The following HMGCLL1 variants were observed in gnomAD, a reference collection of about 807,000 sequenced individuals.
The protein encoded by HMGCLL1 is 3-hydroxy-3-methylglutaryl-CoA lyase like 1, also known as 3-hydroxymethyl-3-methylglutaryl-CoA lyase, cytoplasmic.
HMGCLL1 carries 36 observed loss-of-function variants against 39.1 expected under a neutral mutation model. The observed-to-expected ratio is 0.92, with a 90% CI of 0.71 to 1.22. The LOEUF is 1.22. HMGCLL1 is among the 50% of genes most tolerant of loss of function. HMGCLL1 has a pLI of 0.00. For missense variants in HMGCLL1, 451 were observed against 416.5 expected (o/e 1.08, Z -0.72); for synonymous variants, 149 against 144.0 (o/e 1.03, Z -0.25).
At chr6:55,598,633 C>T in the HMGCLL1 span, among the ~76,000 whole-genome samples, 4 of 152,120 alleles carry the variant, frequency 2.6e-5, no homozygotes, top group Non-Finnish European at 5.9e-5. Context: ...TCACAAGTAC[C>T]GTTCTCTGTT....
At chr6:55,520,431 G>A (rs565214991) in intron 3 of HMGCLL1, among the ~76,000 whole-genome samples, 1 of 151,932 alleles carries the variant, frequency 6.6e-6, no homozygotes, top group Non-Finnish European at 1.5e-5. Flanking sequence ...TTTTAAAAGT[G>A]CTCACAATAT....
At chr6:55,623,996 A>T in the HMGCLL1 span, among the ~76,000 whole-genome samples, 3 of 152,090 alleles carry the variant, frequency 2.0e-5, no homozygotes. Flanking sequence ...TACCTGGAGG[A>T]CCACAATGAC....
chr6:55,439,639 A>G, intron 7 of HMGCLL1, 80 bp from the exon 8 acceptor site: 3 of 1,493,148 alleles, frequency 2.0e-6, no homozygotes, highest in Non-Finnish European at 1.8e-6. Context: ...CCTATGGTAA[A>G]CTGCAAATAA....
the HMGCLL1 span, among the ~76,000 whole-genome samples, chr6:55,602,882 A>AT: frequency 5.9e-5 from 9 of 152,056 alleles, no homozygotes; most frequent in Admixed American, 2.6e-4. Flanking sequence ...AAGGCATGTA[A>AT]TTTTTTCTAA....
At chr6:55,604,010 G>A in the HMGCLL1 span, among the ~76,000 whole-genome samples, 3 of 152,148 alleles carry the variant, frequency 2.0e-5, no homozygotes, top group African/African-American at 7.2e-5. Flanking sequence ...CCATAGAGAA[G>A]TAGTTTGTTG....
upstream of HMGCLL1, among the ~76,000 whole-genome samples, chr6:55,581,879 T>G (rs1182775813): frequency 6.6e-6 from 1 of 151,766 alleles, no homozygotes; most frequent in Non-Finnish European, 1.5e-5. Context: ...TAAAGTAAAT[T>G]TTCTGTTTTC....
At chr6:55,499,369 G>T (rs988916465) in intron 5 of HMGCLL1, 70 bp from the exon 6 acceptor site, 1 of 1,179,780 alleles carries the variant, frequency 8.5e-7, no homozygotes, top group Admixed American at 2.4e-5. Flanking sequence ...TAAAAATTAA[G>T]AATTAGCTGA....
chr6:55,586,593 G>A, the HMGCLL1 span, among the ~76,000 whole-genome samples: 686 of 143,716 alleles, frequency 4.8e-3, 5 homozygotes, highest in Middle Eastern at 7.1e-3. Flanking sequence ...CCCTTCCTGT[G>A]TCCATGTGTT....
chr6:55,678,140 G>A, the HMGCLL1 span, among the ~76,000 whole-genome samples: 2 of 152,146 alleles, frequency 1.3e-5, no homozygotes, highest in Admixed American at 6.5e-5. Context: ...TCAGGGTGTT[G>A]GCTCTTATGG....
intron 1 of HMGCLL1, among the ~76,000 whole-genome samples, chr6:55,553,182 C>CAT (rs1561958330): frequency 8.0e-5 from 1 of 12,578 alleles, no homozygotes; most frequent in East Asian, 5.3e-3. Flanking sequence ...TATACATACA[C>CAT]ACACACACAC....
chr6:55,516,557 C>G lies in HMGCLL1; in HGVS notation c.344G>C (p.Gly115Ala). ...AGGAGTAAGGACAGGATAGCGAACT[C>G]CTGGATATTGATGAATGCCTTTCAT... ...EVMKGIHQYP[G>A]VRYPVLTPNL... Residue 115 changes from glycine to alanine, a missense_variant, in exon 4 of 9, where the codon GGA (glycine) becomes GCA (alanine). By Grantham distance (60) the Gly-to-Ala change is moderately conservative. Coordinates refer to ENST00000274901, the MANE Select transcript of HMGCLL1 (RefSeq NM_001042406.2). 4 of 1,603,472 alleles carry G rather than the reference C, an allele frequency of 2.5e-6. No homozygotes were observed. Among genetic ancestry groups the G allele is most frequent in the Non-Finnish European group, 3.4e-6 (4 of 1,172,938 alleles).
the HMGCLL1 span, among the ~76,000 whole-genome samples, chr6:55,610,332 G>A: frequency 6.6e-6 from 1 of 151,902 alleles, no homozygotes; most frequent in Admixed American, 6.6e-5. Flanking sequence ...CTTTAGAGAG[G>A]AACATAAATG....
chr6:55,678,655 C>T, the HMGCLL1 span, among the ~76,000 whole-genome samples: 1 of 152,094 alleles, frequency 6.6e-6, no homozygotes, highest in African/African-American at 2.4e-5. Flanking sequence ...AACAAAAAAA[C>T]TAGTTTTACA....
At chr6:55,460,517 A>C (rs1328640087) in intron 7 of HMGCLL1, among the ~76,000 whole-genome samples, 1 of 151,926 alleles carries the variant, frequency 6.6e-6, no homozygotes, top group African/African-American at 2.4e-5. Flanking sequence ...TTTATTATGC[A>C]AGAAATCTTC....
At chr6:55,640,959 C>G in the HMGCLL1 span, among the ~76,000 whole-genome samples, 2 of 151,624 alleles carry the variant, frequency 1.3e-5, no homozygotes, top group African/African-American at 4.8e-5. Flanking sequence ...AACTTAATAA[C>G]TAATAAATTC....
chr6:55,656,986 T>G, the HMGCLL1 span, among the ~76,000 whole-genome samples: 1 of 151,934 alleles, frequency 6.6e-6, no homozygotes, highest in Non-Finnish European at 1.5e-5. Context: ...CCACAGAATT[T>G]GCTGATGAAT....
At chr6:55,626,730 C>T in the HMGCLL1 span, among the ~76,000 whole-genome samples, 1 of 151,962 alleles carries the variant, frequency 6.6e-6, no homozygotes, top group African/African-American at 2.4e-5. Context: ...CATGAGGAGA[C>T]ACAACAATGA....
chr6:55,455,545 G>A (rs1764286345), intron 7 of HMGCLL1, among the ~76,000 whole-genome samples: 1 of 152,182 alleles, frequency 6.6e-6, no homozygotes, highest in African/African-American at 2.4e-5. Context: ...ATCCATGGTT[G>A]AGGCAATTGT....
chr6:55,584,690 C>T, the HMGCLL1 span, among the ~76,000 whole-genome samples: 1 of 151,782 alleles, frequency 6.6e-6, no homozygotes, highest in Non-Finnish European at 1.5e-5. Flanking sequence ...TTCTTTGGTC[C>T]CAGAGATGGC....
Sources: gnomAD v4.1 joint callset for allele counts (sites outside exome capture counted in the v4.1 genomes callset) on GRCh38, gnomAD v4.1.1 for gene constraint, MANE v1.5 for transcripts, NCBI Gene and HGNC (gene_info 2026-07-23, HGNC 2026-07-21) for gene names.